INF2: variants seen among roughly 807,000 people sequenced by gnomAD.
INF2 encodes inverted formin-2.
Under a neutral mutation model 123.5 loss-of-function variants are expected in INF2, and 43 were observed. That is an observed-to-expected ratio of 0.35 (90% CI 0.27 to 0.45). The LOEUF is 0.45. Ranked by LOEUF, INF2 falls within the 20% of genes least tolerant of loss-of-function variation. The pLI is 1.00. For synonymous variants in INF2, 851 were observed against 745.0 expected, an observed-to-expected ratio of 1.14 and a Z score of -2.32; for missense variants, 1,453 against 1,682.7, an observed-to-expected ratio of 0.86 and a Z score of 2.39.
At chr14:104,707,111 C>T in intron 7 of INF2, 60 bp downstream of exon 7, 1 of 1,529,802 alleles carries the variant, frequency 6.5e-7, no homozygotes, top group Non-Finnish European at 8.8e-7. Context: ...AGGTCTTAGA[C>T]CATGGGGGGG....
chr14:104,700,633 G>A (rs1889433887), intron 1 of INF2, among the ~76,000 whole-genome samples: 1 of 152,124 alleles, frequency 6.6e-6, no homozygotes, highest in Non-Finnish European at 1.5e-5. Context: ...GCACGTGTTG[G>A]GGCTCTTCTG....
At chr14:104,683,959 T>C (rs953232254) in intron 1 of INF2, 13 of 442,176 alleles carry the variant, frequency 2.9e-5, no homozygotes, top group Admixed American at 2.9e-4. Flanking sequence ...GGCACTTCCC[T>C]GCTCTCAAAG....
chr14:104,707,866 C>T lies in INF2; in HGVS notation c.1599C>T (p.Gly533=), dbSNP rs1889860666. The T allele has an allele frequency of 3.1e-6, 5 of 1,604,758 alleles. No individual in the cohort carries two copies. The highest frequency in any genetic ancestry group is 3.4e-6 in the Non-Finnish European group (4 of 1,178,632). The part of the protein sequence containing the change: ...PCTCSPPVAG[G]MEEVIVAQVD... ...CCTGCAGCCCCCCCGTGGCGGGAGG[C>T]ATGGAGGAGGTCATCGTGGCCCAGG... Residue 533 remains glycine, a synonymous_variant, in exon 8 of 23, where the codon GGC becomes GGT. Transcript: ENST00000392634.
intron 5 of INF2, chr14:104,704,419 C>T (rs775284508): frequency 1.2e-4 from 26 of 215,388 alleles, no homozygotes; most frequent in Admixed American, 4.2e-4. Context: ...GGTCCCCAAC[C>T]GCCAGGCTGC....
intron 1 of INF2, among the ~76,000 whole-genome samples, chr14:104,682,037 A>G: frequency 6.6e-6 from 1 of 152,184 alleles, no homozygotes; most frequent in East Asian, 1.9e-4. Context: ...TGGGGGTCCC[A>G]GAAGAGCCAG....
chr14:104,691,541 A>G (rs111814374), intron 1 of INF2, among the ~76,000 whole-genome samples: 9 of 152,198 alleles, frequency 5.9e-5, no homozygotes, highest in Non-Finnish European at 1.3e-4. Flanking sequence ...GGCCCAGTGG[A>G]CACATTACAT....
At chr14:104,710,243 GC>G in intron 13 of INF2, 55 bp downstream of exon 13, 1 of 1,351,722 alleles carries the variant, frequency 7.4e-7, no homozygotes, top group Non-Finnish European at 1.0e-6. Context: ...CCGAACCGGG[GC>G]GGGAGGGCTG....
rs1415223632 is a variant in INF2 at position 104,712,754 on chromosome 14, C to T, written c.2611-74C>T. Reference sequence around the variant, plus strand: ...CCTGTCCCTGTGGCCGTCACCCTCCCGCAACTCAGGGCCTCACCCCGGGTG... The same window carrying T: ...CCTGTCCCTGTGGCCGTCACCCTCCTGCAACTCAGGGCCTCACCCCGGGTG... On this transcript the variant is annotated intron_variant, in intron 17 of 22. Transcript: ENST00000392634. The T allele has an allele frequency of 2.4e-5, 36 of 1,510,760 alleles. No individual in the cohort carries two copies. The East Asian group carries it at 3.1e-4, about 13-fold the overall frequency. 93.6% of individuals were successfully genotyped at this position (1,510,760 alleles called of 1,614,324 possible).
chr14:104,698,450 T>C (rs890789467), intron 1 of INF2, among the ~76,000 whole-genome samples: 3 of 152,344 alleles, frequency 2.0e-5, no homozygotes, highest in Non-Finnish European at 2.9e-5. Context: ...GGAAGCCTCA[T>C]GGTTTTCTCA....
intron 1 of INF2, among the ~76,000 whole-genome samples, chr14:104,692,811 G>A (rs1566772977): frequency 6.6e-6 from 1 of 152,258 alleles, no homozygotes; most frequent in Non-Finnish European, 1.5e-5. Context: ...ATGGCCAAGG[G>A]CAAGGGCCAA....
exon 1 of INF2, chr14:104,681,325 A>G: frequency 2.4e-6 from 1 of 422,694 alleles, no homozygotes; most frequent in Non-Finnish European, 4.8e-6. Flanking sequence ...TGAAAAGAGG[A>G]ACAAAGAACA....
Position 104,707,612 on chromosome 14 carries a change from G to A in INF2, c.1345G>A (p.Val449Met), listed in dbSNP as rs1889844734. 1 of 1,030,700 alleles carries A rather than the reference G, an allele frequency of 9.7e-7. No homozygotes were observed. Among genetic ancestry groups the A allele is most frequent in the Non-Finnish European group, 1.4e-6 (1 of 740,672 alleles). The allele number at this position is 1,030,700 out of a possible 1,614,324, so 63.8% of individuals were successfully genotyped here. ...TCCCCCACCACCCCCCCTGCCCAGT[G>A]TGGGGGCTAAGGCCCTCCCAACAGC... ...PPPPPPPLPS[V>M]GAKALPTAPP... The change falls in exon 8 of 23, where the codon GTG (valine) becomes ATG (methionine). Residue 449 changes from valine (V) to methionine (M), a missense_variant. This residue lies in a region of INF2 where 374 missense variants were observed against 303.7 expected (regional missense o/e 1.23). Coordinates refer to ENST00000392634, the MANE Select transcript of INF2 (RefSeq NM_022489.4).
In INF2 at chr14:104,684,323, T is replaced by C. The variant is rs1391473389; in HGVS notation, c.-104+2741T>C. ...CACTGGCTTAGCCTGCTCAGTGAGG[T>C]GCCCGAAGGAGGCCCACCAGCTCTG... On this transcript the variant is annotated intron_variant, in intron 1 of 2. Transcript: ENST00000674723. The surrounding 1 kb of genome is among the most constrained non-coding windows in gnomAD (Gnocchi z 5.0). The C allele has an allele frequency of 9.2e-6, 3 of 327,226 alleles. No homozygotes were observed. The highest frequency in any genetic ancestry group is 8.3e-5 in the Admixed American group (2 of 24,080). The allele number at this position is 327,226 out of a possible 1,614,324, so 20.3% of individuals were successfully genotyped here.
chr14:104,718,985 G>C lies in INF2; in HGVS notation c.*192G>C, dbSNP rs1360472950. 1 of 1,357,228 alleles carries C rather than the reference G, an allele frequency of 7.4e-7. No homozygotes were observed. The highest frequency in any genetic ancestry group is 3.0e-5 in the Admixed American group (1 of 33,670). 84.1% of individuals were successfully genotyped at this position (1,357,228 alleles called of 1,614,324 possible). ...GTGGCTGGGAACCCGACAGGCACCAGTGCCCTGCCAGGCCTGGTGCCCTCC... is the reference window on the plus strand; with the variant it reads ...GTGGCTGGGAACCCGACAGGCACCACTGCCCTGCCAGGCCTGGTGCCCTCC... On this transcript the variant is annotated 3_prime_UTR_variant, in exon 23 of 23. Transcript: ENST00000392634.
Position 104,710,784 on chromosome 14 carries a change from C to G in INF2, c.2240-153C>G, listed in dbSNP as rs1890014689. On this transcript the variant is annotated intron_variant, in intron 13 of 22. Coordinates refer to ENST00000392634, the MANE Select transcript of INF2 (RefSeq NM_022489.4). ...CCGTCGGTGGAGGGTTTGCAGCCCC[C>G]AGGCCCTGTCCTGTGATCCTTCCGG... 1.5e-5 allele frequency: 10 copies of G among 660,322 alleles called. No individual in the cohort carries two copies. In the South Asian group the frequency reaches 1.9e-4, roughly 12 times the overall value. 40.9% of individuals were successfully genotyped at this position (660,322 alleles called of 1,614,324 possible). A position where few individuals can be genotyped will look rare whatever the true frequency, so the allele number is the denominator to read the frequency against.
Position 104,704,317 on chromosome 14 carries a change from A to T in INF2, c.701+368A>T. ...GGTGGTTCACGTGGACGCAAGATGGAGACAGGGACACGGGCTCCAGGGCGA... is the reference window on the plus strand; with the variant it reads ...GGTGGTTCACGTGGACGCAAGATGGTGACAGGGACACGGGCTCCAGGGCGA... On this transcript the variant is annotated intron_variant, in intron 5 of 22. Transcript: ENST00000392634. 3 of 535,048 alleles carry T rather than the reference A, an allele frequency of 5.6e-6. No homozygotes were observed. The South Asian group carries it at 8.7e-5, about 16-fold the overall frequency. The allele number at this position is 535,048 out of a possible 1,614,324, so 33.1% of individuals were successfully genotyped here. A position where few individuals can be genotyped will look rare whatever the true frequency, so the allele number is the denominator to read the frequency against.
intron 10 of INF2, 43 bp downstream of exon 10, chr14:104,708,775 G>A (rs767658422): frequency 7.5e-6 from 12 of 1,594,932 alleles, no homozygotes; most frequent in Middle Eastern, 1.7e-4. Context: ...ACGGAGCCTC[G>A]CCTCCACCTG....
At chr14:104,694,689 C>T (rs1207139500) in intron 1 of INF2, among the ~76,000 whole-genome samples, 4 of 152,186 alleles carry the variant, frequency 2.6e-5, no homozygotes, top group Admixed American at 6.5e-5. Context: ...CCACCCTGGG[C>T]CCTGGTAGCA....
intron 14 of INF2, 22 bp downstream of exon 14, chr14:104,711,029 A>T (rs867816734): frequency 6.2e-7 from 1 of 1,611,400 alleles, no homozygotes; most frequent in Admixed American, 1.7e-5. Flanking sequence ...GCAGCTCCCC[A>T]TCCCACCTGG....
Sources: allele counts gnomAD v4.1 joint callset (sites outside exome capture counted in the v4.1 genomes callset), GRCh38; gene constraint gnomAD v4.1.1; regional missense constraint gnomAD v4.1.1; non-coding constraint Gnocchi (gnomAD v3.1); transcripts MANE v1.5; gene names NCBI Gene and HGNC (gene_info 2026-07-23, HGNC 2026-07-21).